Variants in LSAMP observed in about 807,000 individuals in gnomAD.
LSAMP encodes the protein limbic system associated membrane protein, also known as limbic system-associated membrane protein.
In LSAMP, 7 loss-of-function variants were observed where a neutral mutation model predicts 38.6. The observed-to-expected ratio is 0.18, with a 90% CI of 0.10 to 0.34. The LOEUF (loss-of-function observed/expected upper bound fraction) is 0.34. Among genes scored for constraint, LSAMP ranks in the 10% least tolerant of loss-of-function variants. LSAMP has a pLI of 1.00. For missense variants in LSAMP, 313 were observed against 420.0 expected, an observed-to-expected ratio of 0.75 and a Z score of 2.23; for synonymous variants, 154 against 166.8, an observed-to-expected ratio of 0.92 and a Z score of 0.59.
chr3:116,308,118 A>T (rs2047508278), intron 1 of LSAMP, among the ~76,000 whole-genome samples: 1 of 151,794 alleles, frequency 6.6e-6, no homozygotes, highest in Admixed American at 6.6e-5. Context: ...TCTACCTAAA[A>T]ACCTTTCCCC....
chr3:116,181,166 C>T (rs1394534395), intron 1 of LSAMP, among the ~76,000 whole-genome samples: 3 of 151,954 alleles, frequency 2.0e-5, no homozygotes, highest in African/African-American at 7.2e-5. Context: ...GAGATGTTTG[C>T]TCATTTGGTC....
Position 116,076,107 on chromosome 3 carries a change from C to T in LSAMP, c.388+10217G>A, listed in dbSNP as rs1056247488. Among the ~76,000 whole-genome samples the T allele has an allele frequency of 8.5e-5, 13 of 152,142 alleles. No homozygotes were observed. The East Asian group carries it at 9.7e-4, about 11-fold the overall frequency. On this transcript the variant is annotated intron_variant, in intron 2 of 6. Coordinates refer to ENST00000490035, the MANE Select transcript of LSAMP (RefSeq NM_002338.5). ...ATTTGTTGAATAATGACACTTTCTC[C>T]GTTATGTTAAACCTGCATCATATGT...
chr3:116,438,595 T>C (rs2049387940), intron 1 of LSAMP, among the ~76,000 whole-genome samples: 1 of 152,186 alleles, frequency 6.6e-6, no homozygotes, highest in African/African-American at 2.4e-5. Context: ...TGTTCATATA[T>C]ATAAGTGCAC....
chr3:115,925,369 TG>T (rs1937475551), intron 3 of LSAMP, among the ~76,000 whole-genome samples: 1 of 152,180 alleles, frequency 6.6e-6, no homozygotes, highest in Admixed American at 6.5e-5. Flanking sequence ...AATTCAAACC[TG>T]ACTTCTATGC....
intron 1 of LSAMP, among the ~76,000 whole-genome samples, chr3:116,224,602 T>C (rs986476529): frequency 1.3e-5 from 2 of 152,248 alleles, no homozygotes; most frequent in Admixed American, 1.3e-4. Context: ...AGTTCATAAT[T>C]TATCGTTTTG....
intron 1 of LSAMP, among the ~76,000 whole-genome samples, chr3:116,285,504 C>T (rs2047183834): frequency 6.6e-6 from 1 of 151,922 alleles, no homozygotes; most frequent in Non-Finnish European, 1.5e-5. Context: ...TCTTTCAGGA[C>T]TCTGCTCTAA....
At chr3:115,853,919 G>T (rs1290757402) in intron 3 of LSAMP, among the ~76,000 whole-genome samples, 1 of 151,900 alleles carries the variant, frequency 6.6e-6, no homozygotes, top group African/African-American at 2.4e-5. Context: ...CCTTTTTTTG[G>T]GAATTCCTCA....
In LSAMP at chr3:115,914,587, G is replaced by A. The variant is rs557761905; in HGVS notation, c.515-61970C>T. ...TCTTGACATTGTTTTAACAAGTACC[G>A]GGATAATTTTTTTGTTTACTAGTGG... On this transcript the variant is annotated intron_variant, in intron 3 of 6. Transcript: ENST00000490035. Among the ~76,000 whole-genome samples the A allele has an allele frequency of 3.9e-5, 6 of 152,204 alleles. No homozygotes were observed. In the South Asian group the frequency reaches 6.2e-4, roughly 16 times the overall value.
chr3:116,155,265 C>T (rs990701158), intron 1 of LSAMP, among the ~76,000 whole-genome samples: 1 of 151,912 alleles, frequency 6.6e-6, no homozygotes, highest in Admixed American at 6.6e-5. Flanking sequence ...GCTCTTGTTG[C>T]CCAGGCTGGA....
chr3:116,340,496 C>T (rs889970212), intron 1 of LSAMP, among the ~76,000 whole-genome samples: 9 of 151,886 alleles, frequency 5.9e-5, no homozygotes, highest in African/African-American at 1.9e-4. Flanking sequence ...ATCTGTCCTT[C>T]CCAACATATT....
At chr3:116,413,254 TA>T (rs2049004540) in intron 1 of LSAMP, among the ~76,000 whole-genome samples, 1 of 151,928 alleles carries the variant, frequency 6.6e-6, no homozygotes, top group Admixed American at 6.6e-5. Context: ...TATATATATA[TA>T]TATATCATAT....
At chr3:116,270,292 T>G (rs1422199338) in intron 1 of LSAMP, among the ~76,000 whole-genome samples, 1 of 152,022 alleles carries the variant, frequency 6.6e-6, no homozygotes, top group Admixed American at 6.6e-5. Context: ...ACAGGAAAAG[T>G]CAATTCCCCT....
intron 1 of LSAMP, among the ~76,000 whole-genome samples, chr3:116,278,613 T>C (rs2047084308): frequency 6.6e-6 from 1 of 152,188 alleles, no homozygotes; most frequent in Non-Finnish European, 1.5e-5. Context: ...GTTACTTCCA[T>C]TGTGACATAA....
At chr3:116,279,769 T>C (rs1700606135) in intron 1 of LSAMP, among the ~76,000 whole-genome samples, 1 of 152,182 alleles carries the variant, frequency 6.6e-6, no homozygotes, top group African/African-American at 2.4e-5. Context: ...AAAAATGTCA[T>C]TGAAAATGAT....
At chr3:116,229,504 T>C (rs780199763) in intron 1 of LSAMP, among the ~76,000 whole-genome samples, 37 of 152,114 alleles carry the variant, frequency 2.4e-4, no homozygotes, top group Non-Finnish European at 4.3e-4. Context: ...GGAAACACAG[T>C]TTTCCCACAG....
At position 115,828,985 on chromosome 3, in the gene LSAMP, A is replaced by G. The variant is rs1934520272; in HGVS notation, c.919+12860T>C. ...TAGAAAGGAGTTCTAGGCACTAGAA[A>G]GGACTAAACATTCTCCTATCTTTAA... On this transcript the variant is annotated intron_variant, in intron 6 of 6. Transcript: ENST00000490035. Among the ~76,000 whole-genome samples the G allele has an allele frequency of 5.3e-5, 8 of 152,348 alleles. No homozygotes were observed. The South Asian group carries it at 1.7e-3, about 32-fold the overall frequency.
intron 1 of LSAMP, among the ~76,000 whole-genome samples, chr3:116,169,914 G>A (rs981012758): frequency 6.6e-6 from 1 of 152,244 alleles, no homozygotes; most frequent in Non-Finnish European, 1.5e-5. Flanking sequence ...GTGTGAGAAA[G>A]GCCTGTGACT....
At chr3:116,043,748 A>C (rs932569657) in intron 2 of LSAMP, among the ~76,000 whole-genome samples, 1 of 152,246 alleles carries the variant, frequency 6.6e-6, no homozygotes, top group Non-Finnish European at 1.5e-5. Context: ...GATGGAGACC[A>C]TCCTGGCTAA....
At chr3:115,870,074 T>A (rs1935987719) in intron 3 of LSAMP, among the ~76,000 whole-genome samples, 2 of 152,228 alleles carry the variant, frequency 1.3e-5, no homozygotes, top group South Asian at 4.1e-4. Flanking sequence ...TATATAAAAT[T>A]TAAATTTCAG....
Sources: gnomAD v4.1 joint callset for allele counts (sites outside exome capture counted in the v4.1 genomes callset) on GRCh38, gnomAD v4.1.1 for gene constraint, MANE v1.5 for transcripts, NCBI Gene and HGNC (gene_info 2026-07-23, HGNC 2026-07-21) for gene names.